Variants in ZNF782 observed in about 807,000 individuals in gnomAD.
ZNF782 encodes zinc finger protein 782.
In ZNF782, 12 loss-of-function variants were observed where a neutral mutation model predicts 13.0. The observed-to-expected ratio is 0.92, with a 90% CI of 0.59 to 1.50. The LOEUF is 1.50. Among genes scored for constraint, ZNF782 ranks in the 40% most tolerant of loss-of-function variants. The pLI is 0.00. For missense variants in ZNF782, 770 were observed against 822.9 expected, an observed-to-expected ratio of 0.94 and a Z score of 0.79; for synonymous variants, 284 against 283.0, an observed-to-expected ratio of 1.00 and a Z score of -0.04.
intron 2 of ZNF782, among the ~76,000 whole-genome samples, chr9:96,860,861 TG>T (rs1188455298): frequency 6.6e-6 from 1 of 152,174 alleles, no homozygotes; most frequent in African/African-American, 2.4e-5. Context: ...CGCCAATAAG[TG>T]GTGCTGGGAA....
chr9:96,903,897 TGGGA>T, the ZNF782 span, among the ~76,000 whole-genome samples: 1 of 151,642 alleles, frequency 6.6e-6, no homozygotes, highest in South Asian at 2.1e-4. Context: ...TACCTAGGAG[TGGGA>T]CTGGTGGGTC....
At chr9:96,859,731 G>C (rs1191735213) in intron 3 of ZNF782, among the ~76,000 whole-genome samples, 1 of 152,190 alleles carries the variant, frequency 6.6e-6, no homozygotes, top group Non-Finnish European at 1.5e-5. Context: ...CCCTCTGCTT[G>C]AGAAAAGCCG....
intron 1 of ZNF782, among the ~76,000 whole-genome samples, chr9:96,853,777 C>A (rs1298523637): frequency 6.6e-6 from 1 of 152,198 alleles, no homozygotes; most frequent in Non-Finnish European, 1.5e-5. Context: ...ATCACACCTG[C>A]CTTTGAACCC....
At chr9:96,930,519 G>A in the ZNF782 span, among the ~76,000 whole-genome samples, 9 of 125,478 alleles carry the variant, frequency 7.2e-5, no homozygotes, top group African/African-American at 1.0e-4. Context: ...GCGAGACTCC[G>A]TCTCAAAAAA....
At position 96,850,233 on chromosome 9, in the gene ZNF782, T is replaced by C. The variant is rs1383114754; in HGVS notation, c.15+1714A>G. Among the ~76,000 whole-genome samples the C allele has an allele frequency of 2.0e-5, 3 of 152,170 alleles. No individual in the cohort carries two copies. Among genetic ancestry groups the C allele is most frequent in the Non-Finnish European group, 4.4e-5 (3 of 68,034 alleles). On this transcript the variant is annotated intron_variant, in intron 3 of 5. Coordinates refer to ENST00000481138, the MANE Select transcript of ZNF782 (RefSeq NM_001001662.3). This position sits in a 1 kb window ranked among gnomAD's most constrained non-coding sequence, Gnocchi z 4.3. ...ACGTTTGTAGCAGCACGATTCACAA[T>C]TGCAAAGATGTGGAACCAACCTAAG... is the stretch of plus-strand genomic sequence containing the variant.
intron 5 of ZNF782, among the ~76,000 whole-genome samples, chr9:96,826,150 A>C (rs1179430569): frequency 6.6e-6 from 1 of 152,208 alleles, no homozygotes; most frequent in African/African-American, 2.4e-5. Context: ...GAACCAACCC[A>C]AATGTCCAAC....
upstream of ZNF782, among the ~76,000 whole-genome samples, chr9:96,855,833 C>T (rs1851634058): frequency 6.6e-6 from 1 of 152,228 alleles, no homozygotes; most frequent in Admixed American, 6.5e-5. Flanking sequence ...AATCTCCACA[C>T]TGTTTTCCAT....
the ZNF782 span, among the ~76,000 whole-genome samples, chr9:96,920,287 G>A: frequency 7.1e-6 from 1 of 139,864 alleles, no homozygotes; most frequent in South Asian, 2.3e-4. Context: ...TTTTTTTTGA[G>A]ATGGAGTCTC....
chr9:96,923,018 T>C, the ZNF782 span, among the ~76,000 whole-genome samples: 1 of 146,990 alleles, frequency 6.8e-6, no homozygotes. Context: ...TACATATAAA[T>C]TCAATTCTCT....
intron 5 of ZNF782, among the ~76,000 whole-genome samples, chr9:96,823,377 A>T (rs1285264271): frequency 6.6e-6 from 1 of 152,184 alleles, no homozygotes; most frequent in Non-Finnish European, 1.5e-5. Flanking sequence ...ATATGTTTCC[A>T]TTTTTCCTCA....
the ZNF782 span, among the ~76,000 whole-genome samples, chr9:96,886,622 A>G: frequency 6.6e-6 from 1 of 152,174 alleles, no homozygotes; most frequent in South Asian, 2.1e-4. Flanking sequence ...CCAAAGCTGT[A>G]TGATCAAAAA....
upstream of ZNF782, among the ~76,000 whole-genome samples, chr9:96,877,963 G>A (rs1427510040): frequency 6.6e-6 from 1 of 151,892 alleles, no homozygotes; most frequent in Non-Finnish European, 1.5e-5. Flanking sequence ...ATAATAAACA[G>A]TCAACCCAAC....
chr9:96,932,686 CTT>C, the ZNF782 span, among the ~76,000 whole-genome samples: 1 of 148,440 alleles, frequency 6.7e-6, no homozygotes, highest in African/African-American at 2.5e-5. Context: ...GACTTTCACT[CTT>C]GTTGCCCAGG....
chr9:96,886,936 A>C, the ZNF782 span, among the ~76,000 whole-genome samples: 3 of 151,316 alleles, frequency 2.0e-5, no homozygotes, highest in African/African-American at 7.2e-5. Flanking sequence ...AAAAAAAAAA[A>C]AACTATAAAT....
the ZNF782 span, among the ~76,000 whole-genome samples, chr9:96,917,386 ATAAC>A: frequency 1.3e-5 from 2 of 151,940 alleles, no homozygotes; most frequent in Admixed American, 6.6e-5. Flanking sequence ...AGCTACATAA[ATAAC>A]TAACAATAGG....
chr9:96,861,992 C>T (rs146341668), intron 1 of ZNF782, among the ~76,000 whole-genome samples: 61 of 152,232 alleles, frequency 4.0e-4, no homozygotes, highest in Admixed American at 9.2e-4. Flanking sequence ...TCACAACAGC[C>T]AAGATTTGGA....
At chr9:96,929,634 G>C in the ZNF782 span, among the ~76,000 whole-genome samples, 1 of 151,748 alleles carries the variant, frequency 6.6e-6, no homozygotes, top group East Asian at 1.9e-4. Context: ...TTCTCCGTCA[G>C]TTCAGGTAGC....
At chr9:96,884,617 A>G in the ZNF782 span, among the ~76,000 whole-genome samples, 1 of 152,020 alleles carries the variant, frequency 6.6e-6, no homozygotes, top group Non-Finnish European at 1.5e-5. Flanking sequence ...AGTCACACTC[A>G]GAGGCAACAA....
At chr9:96,831,055 A>G (rs918489315) in intron 4 of ZNF782, among the ~76,000 whole-genome samples, 1 of 152,222 alleles carries the variant, frequency 6.6e-6, no homozygotes, top group African/African-American at 2.4e-5. Context: ...CTGTGAGACT[A>G]TAACATAATA....
Sources: gnomAD v4.1 joint callset for allele counts (sites outside exome capture counted in the v4.1 genomes callset) on GRCh38, gnomAD v4.1.1 for gene constraint, Gnocchi (gnomAD v3.1) non-coding constraint, MANE v1.5 for transcripts, NCBI Gene and HGNC (gene_info 2026-07-23, HGNC 2026-07-21) for gene names.